CEACAM19: variants seen among roughly 807,000 people sequenced by gnomAD.
The protein encoded by CEACAM19 is CEA cell adhesion molecule 19, also known as cell adhesion molecule CEACAM19.
In CEACAM19, 37 loss-of-function variants were observed where a neutral mutation model predicts 37.6. The ratio of observed to expected loss-of-function variants is 0.98; its 90% CI spans 0.76 to 1.29. The LOEUF is 1.29. Among genes scored for constraint, CEACAM19 ranks in the 50% most tolerant of loss-of-function variants. CEACAM19 has a pLI of 0.00. For missense variants in CEACAM19, 340 were observed against 375.6 expected (o/e 0.91, Z 0.78); for synonymous variants, 140 against 149.8 (o/e 0.93, Z 0.48).
intron 5 of CEACAM19, 108 bp downstream of exon 5, chr19:44,680,442 G>T: frequency 9.7e-7 from 1 of 1,028,978 alleles, no homozygotes; most frequent in South Asian, 1.3e-5. Flanking sequence ...ACCTCCCAAT[G>T]CACCTGCCCC....
upstream of CEACAM19, among the ~76,000 whole-genome samples, chr19:44,667,677 T>TTA (rs959685185): frequency 2.3e-5 from 2 of 86,072 alleles, no homozygotes; most frequent in Non-Finnish European, 4.1e-5. Context: ...TAAATATATA[T>TTA]TATATATATA....
chr19:44,679,861 C>T (rs928770548), intron 4 of CEACAM19, among the ~76,000 whole-genome samples: 21 of 152,132 alleles, frequency 1.4e-4, no homozygotes, highest in African/African-American at 3.1e-4. Flanking sequence ...ACCCAGGAGG[C>T]GGAGGTTGCA....
chr19:44,680,295 AC>A lies in CEACAM19; in HGVS notation c.669del (p.Thr224GlnfsTer20). On this transcript the variant is annotated frameshift_variant, in exon 5 of 8. Coordinates refer to ENST00000358777, the MANE Select transcript of CEACAM19 (RefSeq NM_001127893.3). LOFTEE classifies it high-confidence loss of function. ...CCCTCTATGTGTCCCCAGGATGGCG[AC>A]CACAGAGAAGCCAGAATTGGGCCCT... ...PSVTPSTWMATTEKPELGPAH... is the reference protein window; with the variant it reads ...PSVTPSTWMAXTEKPELGPAH... 1 of 1,609,440 alleles carries A rather than the reference AC, an allele frequency of 6.2e-7. No homozygotes were observed.
At chr19:44,680,499 A>G (rs1974037569) in intron 5 of CEACAM19, among the ~76,000 whole-genome samples, 165 bp downstream of exon 5, 1 of 151,260 alleles carries the variant, frequency 6.6e-6, no homozygotes, top group East Asian at 1.9e-4. Context: ...ATCTGAGCGC[A>G]TCGGCACCCA....
intron 5 of CEACAM19, among the ~76,000 whole-genome samples, 156 bp downstream of exon 5, chr19:44,680,490 T>C (rs1974037305): frequency 1.3e-5 from 2 of 151,690 alleles, no homozygotes; most frequent in Non-Finnish European, 2.9e-5. Flanking sequence ...ACCCACATAA[T>C]CTGAGCGCAT....
At chr19:44,677,850 T>C (rs1184186097) in intron 3 of CEACAM19, 1 of 152,026 alleles carries the variant, frequency 6.6e-6, no homozygotes, top group Non-Finnish European at 1.5e-5. Context: ...TAATTTTTTG[T>C]ATTTTAGTAG....
chr19:44,668,787 TA>T (rs1973811383), upstream of CEACAM19, among the ~76,000 whole-genome samples: 1 of 109,880 alleles, frequency 9.1e-6, no homozygotes, highest in African/African-American at 4.2e-5. Flanking sequence ...TAATTATATA[TA>T]ATATATATTA....
chr19:44,665,974 C>G (rs551933452), intron 1 of CEACAM19: 1 of 152,308 alleles, frequency 6.6e-6, no homozygotes, highest in Non-Finnish European at 1.5e-5. Context: ...AAGGCTGGAC[C>G]AAACAGGACC....
At chr19:44,667,832 T>A (rs1255838651), upstream of CEACAM19, among the ~76,000 whole-genome samples, 3 of 73,928 alleles carry the variant, frequency 4.1e-5, no homozygotes, top group African/African-American at 1.1e-4. Flanking sequence ...AATTATATAT[T>A]TTATATATAA....
rs753352379 is a variant in CEACAM19 at position 44,676,605 on chromosome 19, C to T, written c.575+184C>T. Among the ~76,000 whole-genome samples the T allele has an allele frequency of 8.3e-4, 126 of 152,080 alleles. 1 individual carries two copies. Among genetic ancestry groups the T allele is most frequent in the Admixed American group, 1.9e-3 (29 of 15,238 alleles). On this transcript the variant is annotated intron_variant, in intron 3 of 7. Transcript: ENST00000358777. ...TTCTGCATTGCAAGGGACAGAAAAC[C>T]TATTCTTAAACTGACTTACCAAAAA...
rs969015974 is a variant in CEACAM19, at chr19:44,679,020, TCTCA to T, written c.659+88_659+91del. The T allele has an allele frequency of 3.2e-6, 5 of 1,564,716 alleles. No individual in the cohort carries two copies. In the African/African-American group the frequency reaches 6.8e-5, roughly 21 times the overall value. On this transcript the variant is annotated intron_variant, in intron 4 of 7. Coordinates refer to ENST00000358777, the MANE Select transcript of CEACAM19 (RefSeq NM_001127893.3). ...AGTACTTTTGTTTTCAGAGTCAAAGTCTCACTCTGTTGCCAAGGTTGGGGTGCAG... is the reference window on the plus strand; with the variant it reads ...AGTACTTTTGTTTTCAGAGTCAAAGTCTCTGTTGCCAAGGTTGGGGTGCAG...
In CEACAM19 at chr19:44,683,469, C is replaced by T; in HGVS notation, c.879C>T (p.Cys293=). ...DLLNPDPAPY[C]QLVPTS is the part of the protein sequence containing the mutation. ...TAAACCCCGACCCTGCCCCCTACTG[C>T]CAGCTGGTGCCAACTTCCTGATGGG... The change falls in exon 8 of 8, where the codon TGC becomes TGT. Residue 293 remains cysteine, a synonymous_variant. Coordinates refer to ENST00000358777, the MANE Select transcript of CEACAM19 (RefSeq NM_001127893.3). 3 of 1,564,786 alleles carry T rather than the reference C, an allele frequency of 1.9e-6. No homozygotes were observed. The highest frequency in any genetic ancestry group is 1.2e-5 in the South Asian group (1 of 84,990).
At chr19:44,670,821 C>T (rs1297839099), upstream of CEACAM19, among the ~76,000 whole-genome samples, 13 of 139,812 alleles carry the variant, frequency 9.3e-5, no homozygotes, top group African/African-American at 1.3e-4. Context: ...ACAGGCTGAG[C>T]GCGGTGGCTC....
intron 4 of CEACAM19, 35 bp from the exon 5 acceptor site, chr19:44,680,253 C>G (rs201029536): frequency 6.3e-7 from 1 of 1,581,446 alleles, no homozygotes; most frequent in East Asian, 2.2e-5. Context: ...GAGTGTCTCT[C>G]TATCCTAATA....
chr19:44,676,545 G>A, intron 3 of CEACAM19, 124 bp downstream of exon 3: 1 of 925,396 alleles, frequency 1.1e-6, no homozygotes, highest in East Asian at 2.5e-5. Context: ...AACTCCTGGG[G>A]TGAAAAGAAT....
At chr19:44,676,058 C>A (rs1182707610) in intron 2 of CEACAM19, among the ~76,000 whole-genome samples, 1 of 151,932 alleles carries the variant, frequency 6.6e-6, no homozygotes, top group Non-Finnish European at 1.5e-5. Flanking sequence ...GGTGTGAGCA[C>A]CACGCCCAGC....
Position 44,671,616 on chromosome 19 carries a change from C to G in CEACAM19, c.-316C>G, listed in dbSNP as rs1433142784. The G allele has an allele frequency of 4.5e-6, 2 of 442,632 alleles. No individual in the cohort carries two copies. Among genetic ancestry groups the G allele is most frequent in the Non-Finnish European group, 8.0e-6 (2 of 250,118 alleles). 27.4% of individuals were successfully genotyped at this position (442,632 alleles called of 1,614,324 possible). On this transcript the variant is annotated 5_prime_UTR_variant, in exon 1 of 8. Coordinates refer to ENST00000358777, the MANE Select transcript of CEACAM19 (RefSeq NM_001127893.3). ...CAAACAGAGGCTGTTATGACTATTGCTACAGTGACTGCTGTTGTAGTCACG... is the reference window on the plus strand; with the variant it reads ...CAAACAGAGGCTGTTATGACTATTGGTACAGTGACTGCTGTTGTAGTCACG...
chr19:44,671,613 T>C lies in CEACAM19; in HGVS notation c.-319T>C. On this transcript the variant is annotated 5_prime_UTR_variant, in exon 1 of 8. Coordinates refer to ENST00000358777, the MANE Select transcript of CEACAM19 (RefSeq NM_001127893.3). Reference sequence around the variant, plus strand: ...GTTCAAACAGAGGCTGTTATGACTATTGCTACAGTGACTGCTGTTGTAGTC... The same window carrying C: ...GTTCAAACAGAGGCTGTTATGACTACTGCTACAGTGACTGCTGTTGTAGTC... 1.1e-5 allele frequency: 5 copies of C among 442,700 alleles called. No homozygotes were observed. Among genetic ancestry groups the C allele is most frequent in the Non-Finnish European group, 1.2e-5 (3 of 250,044 alleles). 27.4% of individuals were successfully genotyped at this position (442,700 alleles called of 1,614,324 possible).
At chr19:44,679,083 C>T in intron 4 of CEACAM19, 147 bp downstream of exon 4, 1 of 1,251,756 alleles carries the variant, frequency 8.0e-7, no homozygotes, top group Non-Finnish European at 1.1e-6. Context: ...GCCTCGACCT[C>T]CCTGGTTCAA....
Sources: allele counts gnomAD v4.1 joint callset (sites outside exome capture counted in the v4.1 genomes callset), GRCh38; gene constraint gnomAD v4.1.1; transcripts MANE v1.5; gene names NCBI Gene and HGNC (gene_info 2026-07-23, HGNC 2026-07-21).